The following TNFAIP8 variants were observed in gnomAD, a reference collection of about 807,000 sequenced individuals.
TNFAIP8 encodes the protein TNF alpha induced protein 8.
A neutral mutation model predicts 13.3 loss-of-function variants in TNFAIP8; 7 were observed. The ratio of observed to expected loss-of-function variants is 0.52; its 90% CI spans 0.30 to 0.99. The LOEUF is 0.99. Among genes scored for constraint, TNFAIP8 ranks in the 50% least tolerant of loss-of-function variants. The probability of loss-of-function intolerance (pLI) is 0.07; values close to 1 mark genes in which losing one functional copy is unlikely to be tolerated. For synonymous variants in TNFAIP8, 94 were observed against 87.6 expected, an observed-to-expected ratio of 1.07 and a Z score of -0.41; for missense variants, 258 against 236.9, an observed-to-expected ratio of 1.09 and a Z score of -0.58.
chr5:119,292,677 TATATATATAC>T lies in TNFAIP8; in HGVS notation c.1+23772_1+23781del, dbSNP rs1158631143. The stretch of plus-strand genomic sequence containing the variant: ...ATATATATATATATATATATATATA[TATATATATAC>T]ACACACACACAATGAAATACTATTT... On this transcript the variant is annotated intron_variant, in intron 1 of 1. Coordinates refer to the TNFAIP8 transcript ENST00000274456. Among the ~76,000 whole-genome samples, 25 of 36,440 alleles carry T rather than the reference TATATATATAC, an allele frequency of 6.9e-4. 1 individual carries two copies. Among genetic ancestry groups the T allele is most frequent in the African/African-American group, 1.7e-3 (22 of 12,884 alleles). The allele number at this position is 36,440 out of a possible 152,430, so 23.9% of individuals were successfully genotyped here. A position where few individuals can be genotyped will look rare whatever the true frequency, so the allele number is the denominator to read the frequency against.
At position 119,356,125 on chromosome 5, in the gene TNFAIP8, G is replaced by A. The variant is rs200054960; in HGVS notation, c.31+4G>A. On this transcript the variant is annotated splice_donor_region_variant and intron_variant, in intron 1 of 1. Transcript: ENST00000504771. ...GAAGCAGAAGAATCCAAGGAAGGTA[G>A]GATTCTGGTTTCTCCTGGGGGCCGG... The A allele has an allele frequency of 7.6e-6, 12 of 1,583,976 alleles. No individual in the cohort carries two copies. The highest frequency in any genetic ancestry group is 1.0e-5 in the Non-Finnish European group (12 of 1,162,842).
chr5:119,311,171 C>G (rs11738341), intron 1 of TNFAIP8, among the ~76,000 whole-genome samples: 102,010 of 151,790 alleles, frequency 0.67, 37,532 homozygotes, highest in East Asian at 0.89. Flanking sequence ...TATAGGTACA[C>G]ATCACCACAC....
At chr5:119,314,396 A>C (rs1162903614) in intron 1 of TNFAIP8, among the ~76,000 whole-genome samples, 2 of 152,210 alleles carry the variant, frequency 1.3e-5, no homozygotes, top group Non-Finnish European at 2.9e-5. Flanking sequence ...TGTTCTGTGA[A>C]ATGTTTCCTC....
At position 119,393,410 on chromosome 5, in the gene TNFAIP8, T is replaced by C. The variant is rs1580456161; in HGVS notation, c.*29T>C. The C allele has an allele frequency of 1.9e-6, 3 of 1,573,314 alleles. No homozygotes were observed. Among genetic ancestry groups the C allele is most frequent in the Non-Finnish European group, 2.6e-6 (3 of 1,153,908 alleles). On this transcript the variant is annotated 3_prime_UTR_variant, in exon 2 of 2. Transcript: ENST00000504771. ...CATGAGTTAAGATTGTGACTGATCA[T>C]GATTTATTTGAAGATGGAGCACTGC...
At chr5:119,364,304 A>G (rs1310900582) in intron 1 of TNFAIP8, among the ~76,000 whole-genome samples, 2 of 152,206 alleles carry the variant, frequency 1.3e-5, no homozygotes, top group African/African-American at 4.8e-5. Flanking sequence ...AGGAAATTCC[A>G]AAATTTTAGA....
chr5:119,355,433 C>G (rs1195930053), upstream of TNFAIP8: 3 of 697,196 alleles, frequency 4.3e-6, no homozygotes, highest in African/African-American at 5.3e-5. Flanking sequence ...AAAGGCCCCG[C>G]TCTGGGACTT....
At position 119,393,252 on chromosome 5, in the gene TNFAIP8, T is replaced by C; in HGVS notation, c.468T>C (p.Asn156=). 2 of 1,614,046 alleles carry C rather than the reference T, an allele frequency of 1.2e-6. No homozygotes were observed. The highest frequency in any genetic ancestry group is 1.1e-5 in the South Asian group (1 of 91,088). The part of the protein sequence containing the change: ...HLTAKSHGRV[N]NVFDHFSDCE... Reference sequence around the variant, plus strand: ...CTGCCAAGTCACATGGACGGGTTAATAATGTGTTTGATCATTTTTCAGATT... The same window carrying C: ...CTGCCAAGTCACATGGACGGGTTAACAATGTGTTTGATCATTTTTCAGATT... Residue 156 remains asparagine, a synonymous_variant, in exon 2 of 2, where the codon AAT becomes AAC. Transcript: ENST00000504771.
In TNFAIP8 at chr5:119,397,844, AT is replaced by A. The variant is rs1337571939; in HGVS notation, c.*4468del. 6.6e-6 allele frequency: 1 copy of A among 152,216 alleles called. No individual in the cohort carries two copies. Among genetic ancestry groups the A allele is most frequent in the Non-Finnish European group, 1.5e-5 (1 of 68,038 alleles). The allele number at this position is 152,216 out of a possible 1,614,324, so 9.4% of individuals were successfully genotyped here. A position where few individuals can be genotyped will look rare whatever the true frequency, so the allele number is the denominator to read the frequency against. ...TATGTATACCCAAAGCCAGAAAGAT[AT>A]TTTTATCTCAGGGAAATTCCAGAAA... On this transcript the variant is annotated 3_prime_UTR_variant, in exon 2 of 2. Transcript: ENST00000504771.
chr5:119,345,640 G>A (rs563745660), intron 1 of TNFAIP8, among the ~76,000 whole-genome samples: 1 of 152,340 alleles, frequency 6.6e-6, no homozygotes, highest in African/African-American at 2.4e-5. Flanking sequence ...CTGAATGTAA[G>A]TTACCTGGAG....
At chr5:119,315,242 C>G (rs941122433) in intron 1 of TNFAIP8, among the ~76,000 whole-genome samples, 2 of 152,150 alleles carry the variant, frequency 1.3e-5, no homozygotes, top group Non-Finnish European at 2.9e-5. Flanking sequence ...GCCACCAGGC[C>G]CAGCTTATTT....
At chr5:119,385,348 C>CA (rs564181672) in intron 1 of TNFAIP8, among the ~76,000 whole-genome samples, 47 of 152,332 alleles carry the variant, frequency 3.1e-4, no homozygotes, top group African/African-American at 1.1e-3. Flanking sequence ...TGCATGAGAA[C>CA]GCTGTGACTT....
Position 119,276,318 on chromosome 5 carries a change from A to C in TNFAIP8, c.1+7411A>C, listed in dbSNP as rs1581560977. Among the ~76,000 whole-genome samples the C allele has an allele frequency of 2.0e-5, 3 of 152,176 alleles. No individual in the cohort carries two copies. In the South Asian group the frequency reaches 6.2e-4, roughly 32 times the overall value. On this transcript the variant is annotated intron_variant, in intron 1 of 1. Transcript: ENST00000274456. ...TTTTTAGTAGAGACAGGGTTTCACC[A>C]TGTTGGCCAGGCTGGTCTCGAACTC...
At chr5:119,386,801 C>T (rs1331362624) in intron 1 of TNFAIP8, among the ~76,000 whole-genome samples, 1 of 152,206 alleles carries the variant, frequency 6.6e-6, no homozygotes, top group Non-Finnish European at 1.5e-5. Flanking sequence ...CAGCCTCCAT[C>T]TGTGTGGCAT....
chr5:119,291,395 G>A (rs948821714), intron 1 of TNFAIP8, among the ~76,000 whole-genome samples: 3 of 152,226 alleles, frequency 2.0e-5, no homozygotes, highest in Non-Finnish European at 2.9e-5. Flanking sequence ...TTTCAAAAGA[G>A]GGAGCAATTG....
intron 1 of TNFAIP8, among the ~76,000 whole-genome samples, chr5:119,388,289 G>A (rs897912422): frequency 2.6e-5 from 4 of 152,306 alleles, no homozygotes; most frequent in Admixed American, 2.6e-4. Flanking sequence ...AAAACCACAT[G>A]TTTAGTGAGG....
upstream of TNFAIP8, among the ~76,000 whole-genome samples, chr5:119,353,499 C>T (rs969617657): frequency 2.0e-5 from 3 of 152,186 alleles, no homozygotes; most frequent in African/African-American, 7.2e-5. Flanking sequence ...ATAAGCTGAG[C>T]ATTCATTGCT....
intron 1 of TNFAIP8, among the ~76,000 whole-genome samples, chr5:119,371,909 G>C (rs149828690): frequency 6.6e-6 from 1 of 151,366 alleles, no homozygotes; most frequent in East Asian, 1.9e-4. Flanking sequence ...AGGCCGAAGC[G>C]GGCAGATCAC....
chr5:119,306,822 C>T (rs1306361382), intron 1 of TNFAIP8, among the ~76,000 whole-genome samples: 1 of 152,132 alleles, frequency 6.6e-6, no homozygotes, highest in Non-Finnish European at 1.5e-5. Context: ...GGAAACACCT[C>T]ATACTTAAAT....
At chr5:119,369,553 T>C (rs1038295132) in intron 1 of TNFAIP8, among the ~76,000 whole-genome samples, 2 of 152,186 alleles carry the variant, frequency 1.3e-5, no homozygotes, top group African/African-American at 4.8e-5. Flanking sequence ...GTGTAAAATA[T>C]TTTGCAGAAT....
Sources: allele counts gnomAD v4.1 joint callset (sites outside exome capture counted in the v4.1 genomes callset), GRCh38; gene constraint gnomAD v4.1.1; transcripts MANE v1.5; gene names NCBI Gene and HGNC (gene_info 2026-07-23, HGNC 2026-07-21).